Variants in TNRC6A observed in about 807,000 individuals in gnomAD.
TNRC6A encodes the protein trinucleotide repeat containing adaptor 6A, also known as trinucleotide repeat-containing gene 6A protein.
In TNRC6A, 44 loss-of-function variants were observed where a neutral mutation model predicts 221.2. That is an observed-to-expected ratio of 0.20 (90% CI 0.16 to 0.26). The LOEUF (loss-of-function observed/expected upper bound fraction) is 0.26, where lower values mean the gene tolerates loss of function less well. Among genes scored for constraint, TNRC6A ranks in the 10% least tolerant of loss-of-function variants. The pLI, the probability that TNRC6A is intolerant of heterozygous loss-of-function variation, is 1.00. For missense variants in TNRC6A, 2,199 were observed against 2,404.4 expected, an observed-to-expected ratio of 0.91 and a Z score of 1.79; for synonymous variants, 847 against 838.5, an observed-to-expected ratio of 1.01 and a Z score of -0.18.
At chr16:24,736,102 T>C (rs2056760956) in intron 2 of TNRC6A, among the ~76,000 whole-genome samples, 1 of 152,074 alleles carries the variant, frequency 6.6e-6, no homozygotes, top group Admixed American at 6.6e-5. Flanking sequence ...GAGGCGAGGG[T>C]TGCAGTGAGC....
chr16:24,743,844 A>G (rs1003713904), intron 2 of TNRC6A, among the ~76,000 whole-genome samples: 1 of 152,226 alleles, frequency 6.6e-6, no homozygotes, highest in Non-Finnish European at 1.5e-5. Flanking sequence ...CTACAGTACC[A>G]TTATGAAAAT....
In TNRC6A at chr16:24,729,696, G is replaced by T. The variant is rs868208825; in HGVS notation, c.-146G>T. The T allele has an allele frequency of 1.4e-4, 134 of 927,196 alleles. 1 individual carries two copies. Among genetic ancestry groups the T allele is most frequent in the Admixed American group, 8.3e-4 (19 of 22,802 alleles). 57.4% of individuals were successfully genotyped at this position (927,196 alleles called of 1,614,324 possible). A position where few individuals can be genotyped will look rare whatever the true frequency, so the allele number is the denominator to read the frequency against. On this transcript the variant is annotated 5_prime_UTR_variant, in exon 1 of 25. Coordinates refer to ENST00000395799, the MANE Select transcript of TNRC6A (RefSeq NM_014494.4). ...GGCGGCGGCGGTGTCGGCGGCGGCG[G>T]CGGCGGCGGCGGCGGCGGCGGCAGC... is the stretch of plus-strand genomic sequence containing the variant.
At chr16:24,752,351 C>T (rs940964130) in intron 3 of TNRC6A, among the ~76,000 whole-genome samples, 1 of 152,170 alleles carries the variant, frequency 6.6e-6, no homozygotes, top group South Asian at 2.1e-4. Context: ...TAATTCAGTT[C>T]TGCATGTCCT....
intron 1 of TNRC6A, among the ~76,000 whole-genome samples, chr16:24,622,528 A>T (rs551285245): frequency 3.9e-5 from 6 of 152,296 alleles, no homozygotes; most frequent in Non-Finnish European, 8.8e-5. Context: ...CAGGAGGCAG[A>T]GGTTGCAGTG....
chr16:24,715,609 T>C (rs1414666831), intron 2 of TNRC6A, among the ~76,000 whole-genome samples: 3 of 150,846 alleles, frequency 2.0e-5, no homozygotes, highest in African/African-American at 7.3e-5. Flanking sequence ...TAGTTTCTTT[T>C]TTTTTTTTTT....
Position 24,644,252 on chromosome 16 carries a change from A to T in TNRC6A, n.402+3243A>T, listed in dbSNP as rs150061743. 8.4e-3 allele frequency among the ~76,000 whole-genome samples: 1,262 copies of T among 149,924 alleles called. 19 individuals are homozygous for T. The highest frequency in any genetic ancestry group is 0.013 in the Non-Finnish European group (906 of 67,436). On this transcript the variant is annotated intron_variant and non_coding_transcript_variant, in intron 2 of 2. Transcript: ENST00000566108. The stretch of plus-strand genomic sequence containing the variant: ...CAGGCGCCCGCCACCACGCCCAGCT[A>T]ATTTTTTTTTGTATTTTTAGTAGAG...
At chr16:24,650,970 G>A (rs544691636) in intron 2 of TNRC6A, among the ~76,000 whole-genome samples, 94 of 152,222 alleles carry the variant, frequency 6.2e-4, no homozygotes, top group African/African-American at 2.1e-3. Flanking sequence ...TTTGCCACAC[G>A]TGGCCAGTGG....
At chr16:24,770,755 A>C (rs2057573733) in intron 4 of TNRC6A, among the ~76,000 whole-genome samples, 1 of 152,036 alleles carries the variant, frequency 6.6e-6, no homozygotes, top group Non-Finnish European at 1.5e-5. Flanking sequence ...TTGAATCTTA[A>C]ATCCATATTT....
Position 24,823,640 on chromosome 16 carries a change from A to G in TNRC6A, c.5722A>G (p.Thr1908Ala). Reference sequence around the variant, plus strand: ...CTGGAATGGTGCTGGGCTGTCGGGAACTAACTGTGGAGACCTTCACGGCAC... The same window carrying G: ...CTGGAATGGTGCTGGGCTGTCGGGAGCTAACTGTGGAGACCTTCACGGCAC... ...NHWNGAGLSG[T>A]NCGDLHGTSL... The change falls in exon 25 of 25, where the codon ACT becomes GCT. Residue 1908 changes from threonine (T) to alanine (A), a missense_variant. Coordinates refer to ENST00000395799, the MANE Select transcript of TNRC6A (RefSeq NM_014494.4). This position sits in a 1 kb window ranked among gnomAD's most constrained non-coding sequence, Gnocchi z 4.3. 1 of 1,613,702 alleles carries G rather than the reference A, an allele frequency of 6.2e-7. No individual in the cohort carries two copies. Among genetic ancestry groups the G allele is most frequent in the Non-Finnish European group, 8.5e-7 (1 of 1,179,776 alleles).
intron 4 of TNRC6A, among the ~76,000 whole-genome samples, chr16:24,770,613 A>G (rs1677891755): frequency 6.6e-6 from 1 of 152,142 alleles, no homozygotes; most frequent in South Asian, 2.1e-4. Flanking sequence ...ATTACCTAAA[A>G]TGAAGTTTCT....
intron 2 of TNRC6A, among the ~76,000 whole-genome samples, chr16:24,667,055 A>G (rs1178753453): frequency 3.3e-5 from 5 of 151,802 alleles, no homozygotes; most frequent in African/African-American, 9.7e-5. Flanking sequence ...GGTGGAAGTT[A>G]CAGTGAGCCA....
At chr16:24,654,475 C>T (rs540751804) in intron 2 of TNRC6A, among the ~76,000 whole-genome samples, 156 of 151,796 alleles carry the variant, frequency 1.0e-3, no homozygotes, top group Non-Finnish European at 1.8e-3. Flanking sequence ...GAAGCCAAGG[C>T]GGGCGGATCA....
intron 3 of TNRC6A, among the ~76,000 whole-genome samples, chr16:24,756,500 G>T (rs1439890006): frequency 6.6e-6 from 1 of 152,126 alleles, no homozygotes; most frequent in Non-Finnish European, 1.5e-5. Context: ...ATTCTTAGGG[G>T]CAGACACACC....
intron 2 of TNRC6A, among the ~76,000 whole-genome samples, chr16:24,695,216 C>A (rs1215408301): frequency 2.0e-5 from 3 of 151,978 alleles, no homozygotes; most frequent in Admixed American, 2.0e-4. Flanking sequence ...GGTCAGGCAG[C>A]GAGCCAGTGG....
At chr16:24,697,556 G>A (rs1050292961) in intron 2 of TNRC6A, among the ~76,000 whole-genome samples, 5 of 152,002 alleles carry the variant, frequency 3.3e-5, no homozygotes, top group African/African-American at 9.7e-5. Context: ...ATGGTGGCAC[G>A]CACCTGTAGT....
intron 1 of TNRC6A, among the ~76,000 whole-genome samples, chr16:24,618,833 T>C (rs1900519393): frequency 6.6e-6 from 1 of 151,846 alleles, no homozygotes; most frequent in East Asian, 1.9e-4. Flanking sequence ...TTTCACCATG[T>C]TAGCCAGGCT....
Position 24,729,720 on chromosome 16 carries a change from G to A in TNRC6A, c.-122G>A. ...GGCGGCGGCGGCGGCGGCGGCGGCA[G>A]CGGGTCGGTGTAGAAAATGGCGCTG... On this transcript the variant is annotated 5_prime_UTR_variant, in exon 1 of 25. Transcript: ENST00000395799. The A allele has an allele frequency of 8.6e-7, 1 of 1,169,114 alleles. No homozygotes were observed. Among genetic ancestry groups the A allele is most frequent in the Non-Finnish European group, 1.1e-6 (1 of 913,556 alleles). 72.4% of individuals were successfully genotyped at this position (1,169,114 alleles called of 1,614,324 possible). A position where few individuals can be genotyped will look rare whatever the true frequency, so the allele number is the denominator to read the frequency against.
chr16:24,780,500 T>G (rs1015924306), intron 5 of TNRC6A, among the ~76,000 whole-genome samples: 10 of 152,206 alleles, frequency 6.6e-5, no homozygotes, highest in Non-Finnish European at 1.5e-5. Flanking sequence ...ATGTATTGCT[T>G]GCTTGTTTGT....
At chr16:24,788,562 T>C (rs2058023180) in intron 5 of TNRC6A, among the ~76,000 whole-genome samples, 1 of 152,214 alleles carries the variant, frequency 6.6e-6, no homozygotes, top group South Asian at 2.1e-4. Flanking sequence ...TCTCCTTACC[T>C]GTCTTTCCAT....
Sources: allele counts gnomAD v4.1 joint callset (sites outside exome capture counted in the v4.1 genomes callset), GRCh38; gene constraint gnomAD v4.1.1; non-coding constraint Gnocchi (gnomAD v3.1); transcripts MANE v1.5; gene names NCBI Gene and HGNC (gene_info 2026-07-23, HGNC 2026-07-21).